Variants in MPPED2 observed in about 807,000 individuals in gnomAD.
MPPED2 encodes metallophosphoesterase domain containing 2, also known as metallophosphoesterase MPPED2.
In MPPED2, 5 loss-of-function variants were observed where a neutral mutation model predicts 33.0. The observed-to-expected ratio is 0.15, with a 90% CI of 0.08 to 0.32. The LOEUF (loss-of-function observed/expected upper bound fraction) is 0.32, where lower values mean the gene tolerates loss of function less well. MPPED2 is among the 10% of genes least tolerant of loss of function. MPPED2 has a pLI of 1.00. For synonymous variants in MPPED2, 136 were observed against 141.9 expected (o/e 0.96, Z 0.29); for missense variants, 275 against 372.1 (o/e 0.74, Z 2.15).
At chr11:30,579,723 T>G (rs1006672366) in intron 2 of MPPED2, among the ~76,000 whole-genome samples, 2 of 152,070 alleles carry the variant, frequency 1.3e-5, no homozygotes, top group African/African-American at 4.8e-5. Flanking sequence ...AGCACACGTT[T>G]CACTAGCAAC....
chr11:30,459,887 C>CT (rs758191660), intron 4 of MPPED2, among the ~76,000 whole-genome samples: 1 of 152,148 alleles, frequency 6.6e-6, no homozygotes, highest in African/African-American at 2.4e-5. Flanking sequence ...AACTGACACT[C>CT]TTTTTTTCCA....
At chr11:30,493,386 A>G (rs1952083287) in intron 4 of MPPED2, among the ~76,000 whole-genome samples, 1 of 151,946 alleles carries the variant, frequency 6.6e-6, no homozygotes, top group Admixed American at 6.5e-5. Context: ...AAAAAAAAAA[A>G]AGAAAATATC....
chr11:30,441,862 C>A (rs911542839), intron 4 of MPPED2, among the ~76,000 whole-genome samples: 3 of 152,160 alleles, frequency 2.0e-5, no homozygotes, highest in African/African-American at 7.2e-5. Flanking sequence ...CTGATTTATC[C>A]CTCTGAAACT....
At chr11:30,577,646 A>C (rs902008398) in intron 2 of MPPED2, among the ~76,000 whole-genome samples, 1 of 152,206 alleles carries the variant, frequency 6.6e-6, no homozygotes, top group African/African-American at 2.4e-5. Flanking sequence ...GACATGATTA[A>C]ATCCAACCAA....
At chr11:30,510,897 G>T (rs1387632137) in intron 3 of MPPED2, among the ~76,000 whole-genome samples, 1 of 152,138 alleles carries the variant, frequency 6.6e-6, no homozygotes, top group African/African-American at 2.4e-5. Context: ...GGAAAGTGTG[G>T]CCAGATTTCA....
intron 2 of MPPED2, among the ~76,000 whole-genome samples, chr11:30,544,141 T>C (rs1955283557): frequency 6.6e-6 from 1 of 152,196 alleles, no homozygotes; most frequent in African/African-American, 2.4e-5. Flanking sequence ...GTCCTTCTCC[T>C]AGTGCCATCT....
chr11:30,506,228 A>T (rs935951083), intron 3 of MPPED2, among the ~76,000 whole-genome samples: 1 of 151,902 alleles, frequency 6.6e-6, no homozygotes. Flanking sequence ...TAGTAGAGAC[A>T]GGGTTTCGCA....
chr11:30,386,530 C>T lies in MPPED2; in HGVS notation c.*2359G>A, dbSNP rs376389046. 4.9e-5 allele frequency: 19 copies of T among 389,236 alleles called. No individual in the cohort carries two copies. The East Asian group carries it at 6.9e-4, about 14-fold the overall frequency. 24.1% of individuals were successfully genotyped at this position (389,236 alleles called of 1,614,324 possible). ...TTGCAGAACTGTGATTTAAATAAACCTCTTTTCTTTATAAAATACCCAGTC... is the reference window on the plus strand; with the variant it reads ...TTGCAGAACTGTGATTTAAATAAACTTCTTTTCTTTATAAAATACCCAGTC... On this transcript the variant is annotated 3_prime_UTR_variant, in exon 7 of 7. Coordinates refer to the MPPED2 transcript ENST00000448418.
At chr11:30,519,297 C>A (rs557289631) in intron 3 of MPPED2, among the ~76,000 whole-genome samples, 1 of 151,842 alleles carries the variant, frequency 6.6e-6, no homozygotes, top group Admixed American at 6.6e-5. Context: ...AAAATATATA[C>A]GTACACACAC....
chr11:30,574,922 C>T (rs1377408130), intron 2 of MPPED2, among the ~76,000 whole-genome samples: 1 of 152,146 alleles, frequency 6.6e-6, no homozygotes, highest in African/African-American at 2.4e-5. Context: ...TAAAAATCAC[C>T]AGTAATGTTA....
At position 30,389,060 on chromosome 11, in the gene MPPED2, C is replaced by T; in HGVS notation, c.767-104G>A. ...ATGGTGTCTTGATTACCTTCCCATT[C>T]TCATAAACAACCCCTCAGCACCTCT... On this transcript the variant is annotated intron_variant, in intron 6 of 6. Transcript: ENST00000448418. 2.8e-6 allele frequency: 4 copies of T among 1,414,592 alleles called. No individual in the cohort carries two copies. In the South Asian group the frequency reaches 6.4e-5, roughly 23 times the overall value. 87.6% of individuals were successfully genotyped at this position (1,414,592 alleles called of 1,614,324 possible). A position where few individuals can be genotyped will look rare whatever the true frequency, so the allele number is the denominator to read the frequency against.
rs1949017825 is a variant in MPPED2, at chr11:30,430,268, C to A, written c.537-12635G>T. 2.0e-5 allele frequency among the ~76,000 whole-genome samples: 3 copies of A among 151,812 alleles called. No homozygotes were observed. The South Asian group carries it at 6.2e-4, about 32-fold the overall frequency. Reference sequence around the variant, plus strand: ...TATGATAGCCGTATTTACTGAGCACCCGAGATGTAGCTAGTCTGAAAACGG... The same window carrying A: ...TATGATAGCCGTATTTACTGAGCACACGAGATGTAGCTAGTCTGAAAACGG... On this transcript the variant is annotated intron_variant, in intron 4 of 6. Coordinates refer to ENST00000358117, the MANE Select transcript of MPPED2 (RefSeq NM_001584.3).
At chr11:30,521,929 C>T (rs1268052527) in intron 3 of MPPED2, among the ~76,000 whole-genome samples, 8 of 152,094 alleles carry the variant, frequency 5.3e-5, no homozygotes, top group South Asian at 2.1e-4. Flanking sequence ...GTTTGCTGGG[C>T]GGGCTGAATG....
chr11:30,534,729 AT>A (rs1954719788), intron 3 of MPPED2, among the ~76,000 whole-genome samples: 1 of 152,180 alleles, frequency 6.6e-6, no homozygotes, highest in African/African-American at 2.4e-5. Flanking sequence ...TAAGTATAGT[AT>A]TTTTCCCTAA....
intron 4 of MPPED2, among the ~76,000 whole-genome samples, chr11:30,442,405 A>T (rs1949618587): frequency 6.6e-6 from 1 of 152,264 alleles, no homozygotes; most frequent in South Asian, 2.1e-4. Context: ...TGTGTGAAAA[A>T]GTATGTCAGG....
At chr11:30,388,210 C>A (rs1452384310) in exon 7 of MPPED2, 1 of 152,266 alleles carries the variant, frequency 6.6e-6, no homozygotes, top group Non-Finnish European at 1.5e-5. Flanking sequence ...ACTTTATTGC[C>A]CTAGATAATA....
chr11:30,568,846 A>G (rs770242598), intron 2 of MPPED2, among the ~76,000 whole-genome samples: 1 of 152,186 alleles, frequency 6.6e-6, no homozygotes, highest in Non-Finnish European at 1.5e-5. Context: ...TGGCTGCACT[A>G]GTGGGATCTC....
At chr11:30,404,639 T>C (rs1947960958) in intron 6 of MPPED2, among the ~76,000 whole-genome samples, 1 of 152,224 alleles carries the variant, frequency 6.6e-6, no homozygotes, top group Non-Finnish European at 1.5e-5. Context: ...ACCTGTGTAT[T>C]CCAGACCCCA....
intron 3 of MPPED2, among the ~76,000 whole-genome samples, chr11:30,504,987 C>T (rs921794317): frequency 3.9e-5 from 6 of 152,158 alleles, no homozygotes; most frequent in Non-Finnish European, 8.8e-5. Flanking sequence ...GCTCCCTCCT[C>T]CGCTTCAGCC....
Sources: gnomAD v4.1 joint callset for allele counts (sites outside exome capture counted in the v4.1 genomes callset) on GRCh38, gnomAD v4.1.1 for gene constraint, MANE v1.5 for transcripts, NCBI Gene and HGNC (gene_info 2026-07-23, HGNC 2026-07-21) for gene names.